HOATZ: variants seen among roughly 807,000 people sequenced by gnomAD.
HOATZ encodes cilia- and flagella-associated protein HOATZ.
Under a neutral mutation model 24.9 loss-of-function variants are expected in HOATZ, and 26 were observed. The observed-to-expected ratio is 1.04, with a 90% CI of 0.76 to 1.45. The LOEUF is 1.45. HOATZ is among the 40% of genes most tolerant of loss of function. HOATZ has a pLI of 0.00. For synonymous variants in HOATZ, 83 were observed against 76.6 expected, an observed-to-expected ratio of 1.08 and a Z score of -0.43; for missense variants, 226 against 201.5, an observed-to-expected ratio of 1.12 and a Z score of -0.74.
chr11:111,522,998 T>C (rs1867287402), intron 3 of HOATZ, among the ~76,000 whole-genome samples: 1 of 151,964 alleles, frequency 6.6e-6, no homozygotes, highest in Non-Finnish European at 1.5e-5. Flanking sequence ...AATAGGAGAA[T>C]CGCTTGAGCC....
In HOATZ at chr11:111,534,264, TGACC is replaced by T. The variant is rs529160556; in HGVS notation, c.400-143_400-140del. On this transcript the variant is annotated intron_variant, in intron 4 of 5. Coordinates refer to ENST00000375618, the MANE Select transcript of HOATZ (RefSeq NM_001100388.2). ...CAAACTCTCTAATGTGCAACATTTC[TGACC>T]GACCCCACAGTTTCCAGATTTAAGA... is the stretch of plus-strand genomic sequence containing the variant. 9.0e-4 allele frequency: 565 copies of T among 626,340 alleles called. 7 individuals are homozygous for T. In the South Asian group the frequency reaches 0.012, roughly 13 times the overall value. 38.8% of individuals were successfully genotyped at this position (626,340 alleles called of 1,614,324 possible).
At chr11:111,522,975 C>T (rs775935319) in intron 3 of HOATZ, among the ~76,000 whole-genome samples, 2 of 152,174 alleles carry the variant, frequency 1.3e-5, no homozygotes, top group East Asian at 3.8e-4. Flanking sequence ...ATCCCAGCTA[C>T]TCGGGAGGCT....
chr11:111,536,801 C>G lies in HOATZ; in HGVS notation c.484C>G (p.Gln162Glu). The G allele has an allele frequency of 6.2e-7, 1 of 1,613,716 alleles. No individual in the cohort carries two copies. The highest frequency in any genetic ancestry group is 8.5e-7 in the Non-Finnish European group (1 of 1,179,754). ...KVVSESDKED[Q>E]EEVKTLD ...GGTATCAGAGTCAGATAAAGAGGAC[C>G]AAGAAGAAGTCAAAACTTTGGACTA... is the stretch of plus-strand genomic sequence containing the variant. The change falls in exon 6 of 6, where the codon CAA becomes GAA. Residue 162 changes from glutamine (Q) to glutamate (E), a missense_variant. Transcript: ENST00000375618.
At chr11:111,519,519 G>A (rs1427584550) in intron 3 of HOATZ, among the ~76,000 whole-genome samples, 2 of 152,070 alleles carry the variant, frequency 1.3e-5, no homozygotes, top group Non-Finnish European at 2.9e-5. Context: ...GGATATAATG[G>A]GAGGAAACGT....
chr11:111,532,790 A>C (rs1867408000), intron 3 of HOATZ, among the ~76,000 whole-genome samples: 1 of 152,192 alleles, frequency 6.6e-6, no homozygotes, highest in African/African-American at 2.4e-5. Flanking sequence ...GTCTATTCTC[A>C]CTTCTTATTT....
intron 2 of HOATZ, 45 bp downstream of exon 2, chr11:111,515,597 T>G (rs1227740995): frequency 6.7e-7 from 1 of 1,502,126 alleles, no homozygotes. Flanking sequence ...ACTCCTAGGT[T>G]CATCAGAAAA....
intron 3 of HOATZ, among the ~76,000 whole-genome samples, chr11:111,530,935 T>C (rs551378663): frequency 6.6e-6 from 1 of 152,330 alleles, no homozygotes; most frequent in East Asian, 1.9e-4. Context: ...AATCAGATCA[T>C]ATTTGAAATA....
At chr11:111,524,966 G>A (rs1867319255) in intron 3 of HOATZ, 1 of 420,160 alleles carries the variant, frequency 2.4e-6, no homozygotes, top group Non-Finnish European at 4.7e-6. Flanking sequence ...GGATTCAGGT[G>A]ATTCTCCCAC....
At chr11:111,529,665 G>A (rs61896884) in intron 3 of HOATZ, among the ~76,000 whole-genome samples, 1,957 of 152,090 alleles carry the variant, frequency 0.013, 24 homozygotes, top group Non-Finnish European at 0.022. Flanking sequence ...CCGGCCCCTC[G>A]TGTTATTTTT....
At chr11:111,524,972 C>T (rs1185538271) in intron 3 of HOATZ, 3 of 409,352 alleles carry the variant, frequency 7.3e-6, no homozygotes, top group South Asian at 1.8e-5. Flanking sequence ...AGGTGATTCT[C>T]CCACCTCAGC....
In HOATZ at chr11:111,515,520, A is replaced by G. The variant is rs1266563244; in HGVS notation, c.236A>G (p.His79Arg). ...PRRSRGSENSHSSQSFHLASN... is the reference protein window; with the variant it reads ...PRRSRGSENSRSSQSFHLASN... ...CTTTTGTATTTTTTAGAAAACAGCC[A>G]CTCCTCGCAGTCTTTTCACCTTGCG... The change falls in exon 2 of 6, where the codon CAC becomes CGC. Residue 79 changes from histidine (H) to arginine (R), a missense_variant. By Grantham distance (29) the His-to-Arg change is conservative. Coordinates refer to ENST00000375618, the MANE Select transcript of HOATZ (RefSeq NM_001100388.2). The G allele has an allele frequency of 4.3e-6, 7 of 1,613,282 alleles. No individual in the cohort carries two copies. Among genetic ancestry groups the G allele is most frequent in the Non-Finnish European group, 5.9e-6 (7 of 1,179,476 alleles).
At chr11:111,522,413 T>C (rs1188053882) in intron 3 of HOATZ, among the ~76,000 whole-genome samples, 2 of 152,206 alleles carry the variant, frequency 1.3e-5, no homozygotes, top group East Asian at 3.8e-4. Context: ...ATCAGGTAAC[T>C]CAGAGAATAA....
At chr11:111,521,442 A>G (rs1408695276) in intron 3 of HOATZ, among the ~76,000 whole-genome samples, 1 of 152,220 alleles carries the variant, frequency 6.6e-6, no homozygotes, top group Non-Finnish European at 1.5e-5. Flanking sequence ...GCTCAGATAA[A>G]AGAAAATCCT....
intron 3 of HOATZ, among the ~76,000 whole-genome samples, chr11:111,522,753 T>C (rs2135776425): frequency 6.6e-6 from 1 of 152,212 alleles, no homozygotes; most frequent in South Asian, 2.1e-4. Context: ...CTAGCTATAG[T>C]TTATTTACAA....
intron 5 of HOATZ, 152 bp from the exon 6 acceptor site, chr11:111,536,618 T>A (rs1867453419): frequency 1.6e-6 from 1 of 619,424 alleles, no homozygotes; most frequent in Admixed American, 2.5e-5. Context: ...TTCTCTCACA[T>A]ACAAGTTTAT....
chr11:111,526,564 T>C, intron 3 of HOATZ: 1 of 152,002 alleles, frequency 6.6e-6, no homozygotes, highest in South Asian at 2.1e-4. Flanking sequence ...GGATGGGTAG[T>C]GTCATTCTCT....
intron 3 of HOATZ, chr11:111,518,943 A>G: frequency 2.3e-6 from 1 of 439,668 alleles, no homozygotes; most frequent in South Asian, 1.7e-5. Context: ...ATCCTTTCTC[A>G]TAGTATTTGT....
chr11:111,516,310 A>G (rs1867199085), intron 3 of HOATZ, among the ~76,000 whole-genome samples, 200 bp downstream of exon 3: 1 of 152,232 alleles, frequency 6.6e-6, no homozygotes, highest in South Asian at 2.1e-4. Context: ...GCAAAAGTCC[A>G]AGAATGTATA....
chr11:111,515,952 C>T, intron 2 of HOATZ, 88 bp from the exon 3 acceptor site: 2 of 893,252 alleles, frequency 2.2e-6, no homozygotes, highest in Non-Finnish European at 3.5e-6. Context: ...TATGTATTCC[C>T]TTTCAACCCA....
Sources: gnomAD v4.1 joint callset for allele counts (sites outside exome capture counted in the v4.1 genomes callset) on GRCh38, gnomAD v4.1.1 for gene constraint, MANE v1.5 for transcripts, NCBI Gene and HGNC (gene_info 2026-07-23, HGNC 2026-07-21) for gene names.